KDM6A: variants seen among roughly 807,000 people sequenced by gnomAD.
KDM6A encodes lysine-specific demethylase 6A.
Under a neutral mutation model 117.6 loss-of-function variants are expected in KDM6A, and 11 were observed. That is an observed-to-expected ratio of 0.09 (90% CI 0.06 to 0.15). The LOEUF is 0.15. Among genes scored for constraint, KDM6A ranks in the 10% least tolerant of loss-of-function variants. KDM6A has a pLI of 1.00. For missense variants in KDM6A, 799 were observed against 1,077.3 expected (o/e 0.74, Z 3.62); for synonymous variants, 384 against 396.1 (o/e 0.97, Z 0.36).
chrX:44,961,138 T>C (rs1204349700), intron 2 of KDM6A, 146 bp from the exon 3 acceptor site: 1 of 421,572 alleles, frequency 2.4e-6, no homozygotes, highest in African/African-American at 2.5e-5. Context: ...TATAGAATGT[T>C]GTATTGAATA....
At chrX:44,910,386 G>T (rs2035015733) in intron 2 of KDM6A, among the ~76,000 whole-genome samples, 1 of 110,448 alleles carries the variant, frequency 9.1e-6, no homozygotes, top group South Asian at 3.8e-4. Flanking sequence ...GCGGAGTTTT[G>T]TCATGTTGGC....
chrX:45,051,568 A>G, intron 8 of KDM6A, 141 bp from the exon 9 acceptor site: 1 of 431,627 alleles, frequency 2.3e-6, no homozygotes. Flanking sequence ...TTAAAGAAAC[A>G]TTCAATAATG....
At chrX:45,106,490 C>A in intron 27 of KDM6A, 1 of 335,550 alleles carries the variant, frequency 3.0e-6, no homozygotes, top group East Asian at 9.7e-5. Flanking sequence ...ATAGATAAGA[C>A]CTTTGCTTTC....
chrX:44,981,634 G>A (rs955845970), intron 4 of KDM6A, among the ~76,000 whole-genome samples: 1 of 111,836 alleles, frequency 8.9e-6, no homozygotes, highest in Non-Finnish European at 1.9e-5. Flanking sequence ...GGGCTGAAAA[G>A]TCCCAACGTT....
At chrX:44,903,367 GT>G (rs1436345890) in intron 2 of KDM6A, among the ~76,000 whole-genome samples, 4 of 111,798 alleles carry the variant, frequency 3.6e-5, no homozygotes, top group Non-Finnish European at 7.5e-5. Flanking sequence ...CTTCTTTCGT[GT>G]TTTCAAGATT....
intron 28 of KDM6A, among the ~76,000 whole-genome samples, chrX:45,107,833 G>T (rs761980553): frequency 1.8e-5 from 2 of 111,606 alleles, no homozygotes; most frequent in African/African-American, 3.3e-5. Context: ...CAATCTAGAT[G>T]TACACAGATG....
chrX:44,999,412 T>G (rs1159877848), intron 4 of KDM6A, among the ~76,000 whole-genome samples: 1 of 110,492 alleles, frequency 9.1e-6, no homozygotes, highest in Non-Finnish European at 1.9e-5. Context: ...TAATTCTGAT[T>G]GGCTAAAGAG....
chrX:45,106,208 T>G (rs1430387968), intron 27 of KDM6A, among the ~76,000 whole-genome samples: 1 of 111,661 alleles, frequency 9.0e-6, no homozygotes, highest in Non-Finnish European at 1.9e-5. Context: ...ACTATAAAAT[T>G]GATATTGTTT....
At chrX:44,885,800 G>A (rs192562017) in intron 2 of KDM6A, among the ~76,000 whole-genome samples, 1 of 109,525 alleles carries the variant, frequency 9.1e-6, no homozygotes, top group Non-Finnish European at 1.9e-5. Context: ...TGAACCCAGA[G>A]GCAGAGTTGC....
intron 21 of KDM6A, among the ~76,000 whole-genome samples, chrX:45,081,171 A>G (rs1050468353): frequency 4.5e-5 from 5 of 111,784 alleles, no homozygotes; most frequent in African/African-American, 1.6e-4. Context: ...ACCTCAGGTG[A>G]TCTGCCCATC....
chrX:45,058,249 G>A (rs968519292), intron 10 of KDM6A, among the ~76,000 whole-genome samples: 19 of 108,960 alleles, frequency 1.7e-4, no homozygotes, highest in African/African-American at 6.0e-4. Context: ...TGAAAATAGG[G>A]ACTGGGTTTT....
At chrX:45,070,601 T>G (rs1239948216) in intron 18 of KDM6A, among the ~76,000 whole-genome samples, 1 of 111,349 alleles carries the variant, frequency 9.0e-6, no homozygotes, top group Non-Finnish European at 1.9e-5. Context: ...CTCTACTGGT[T>G]ACTAGGTTGT....
intron 25 of KDM6A, among the ~76,000 whole-genome samples, chrX:45,088,270 C>G (rs1602977881): frequency 2.7e-5 from 3 of 112,485 alleles, no homozygotes; most frequent in Non-Finnish European, 3.8e-5. Flanking sequence ...CATTTGCACT[C>G]TAGTCTAAAC....
rs1279579913 is a variant in KDM6A, at chrX:45,042,654, AAGAAG to A, written c.654+4966_654+4970del. Reference sequence around the variant, plus strand: ...AAGTTTCTCTACTTCTCTACATAGGAAGAAGTTTCCCCACTTCTCTACATAGGAAG... The same window carrying A: ...AAGTTTCTCTACTTCTCTACATAGGATTTCCCCACTTCTCTACATAGGAAG... On this transcript the variant is annotated intron_variant, in intron 8 of 29. Coordinates refer to ENST00000611820, the MANE Select transcript of KDM6A (RefSeq NM_001291415.2). Among the ~76,000 whole-genome samples, 3 of 104,603 alleles carry A rather than the reference AAGAAG, an allele frequency of 2.9e-5. No homozygotes were observed. In the East Asian group the frequency reaches 9.3e-4, roughly 32 times the overall value. The allele number at this position is 104,603 out of a possible 115,157, so 90.8% of individuals were successfully genotyped here.
chrX:44,890,600 A>G (rs2033260260), intron 2 of KDM6A, among the ~76,000 whole-genome samples: 1 of 76,220 alleles, frequency 1.3e-5, no homozygotes, highest in Admixed American at 1.5e-4. Context: ...ATAGGTCATT[A>G]TGGTTTTAAT....
chrX:44,992,061 TC>T (rs1218975569), intron 4 of KDM6A, among the ~76,000 whole-genome samples: 2 of 110,547 alleles, frequency 1.8e-5, no homozygotes, highest in African/African-American at 3.3e-5. Context: ...GTATATTCCT[TC>T]CTGGGTATAC....
At chrX:44,907,370 C>T (rs1602137375) in intron 2 of KDM6A, among the ~76,000 whole-genome samples, 2 of 110,602 alleles carry the variant, frequency 1.8e-5, no homozygotes, top group Non-Finnish European at 3.8e-5. Context: ...CTCTGCCTCC[C>T]GGGTTCAAGT....
chrX:45,110,901 T>C (rs760659864), intron 29 of KDM6A, among the ~76,000 whole-genome samples: 13 of 112,163 alleles, frequency 1.2e-4, no homozygotes, highest in South Asian at 3.7e-4. Context: ...CCCACACATA[T>C]GTGATCAGAA....
chrX:45,013,598 A>AGG (rs1319129092), intron 5 of KDM6A, among the ~76,000 whole-genome samples: 3 of 112,096 alleles, frequency 2.7e-5, no homozygotes, highest in Non-Finnish European at 5.6e-5. Flanking sequence ...GAATGATATA[A>AGG]GGACAATGCA....
Sources: allele counts gnomAD v4.1 joint callset (sites outside exome capture counted in the v4.1 genomes callset), GRCh38; gene constraint gnomAD v4.1.1; transcripts MANE v1.5; gene names NCBI Gene and HGNC (gene_info 2026-07-23, HGNC 2026-07-21).